The following MKLN1 variants were observed in gnomAD, a reference collection of about 807,000 sequenced individuals.
MKLN1 encodes muskelin.
In MKLN1, 18 loss-of-function variants were observed where a neutral mutation model predicts 99.0. The ratio of observed to expected loss-of-function variants is 0.18; its 90% CI spans 0.13 to 0.27. The LOEUF (loss-of-function observed/expected upper bound fraction) is 0.27. Among genes scored for constraint, MKLN1 ranks in the 10% least tolerant of loss-of-function variants. MKLN1 has a pLI of 1.00. For synonymous variants in MKLN1, 288 were observed against 293.2 expected (o/e 0.98, Z 0.18); for missense variants, 621 against 875.9 (o/e 0.71, Z 3.67).
intron 2 of MKLN1, among the ~76,000 whole-genome samples, chr7:131,177,600 GTCT>G (rs1584811202): frequency 6.6e-6 from 1 of 151,538 alleles, no homozygotes; most frequent in East Asian, 1.9e-4. Flanking sequence ...CATTATAGTT[GTCT>G]ATATTCTTGC....
At chr7:131,324,558 G>T (rs1798846941), upstream of MKLN1, 1 of 152,174 alleles carries the variant, frequency 6.6e-6, no homozygotes, top group South Asian at 2.1e-4. Context: ...GTTACAAGTG[G>T]ATTTTTAAAG....
intron 12 of MKLN1, among the ~76,000 whole-genome samples, chr7:131,459,688 C>T (rs1419640176): frequency 6.6e-6 from 1 of 151,950 alleles, no homozygotes; most frequent in Non-Finnish European, 1.5e-5. Flanking sequence ...CGAGTTTTAA[C>T]ATTTCATATT....
At chr7:131,480,890 A>T (rs954676518) in intron 17 of MKLN1, among the ~76,000 whole-genome samples, 2 of 152,216 alleles carry the variant, frequency 1.3e-5, no homozygotes, top group Non-Finnish European at 2.9e-5. Flanking sequence ...ACTTATTTTT[A>T]GCCTTTAGAA....
At chr7:131,331,739 A>G (rs1298861694) in intron 1 of MKLN1, among the ~76,000 whole-genome samples, 1 of 152,218 alleles carries the variant, frequency 6.6e-6, no homozygotes, top group African/African-American at 2.4e-5. Context: ...TGTCTAATTG[A>G]GATTACAGAT....
At chr7:131,302,832 C>G (rs776894990) in intron 3 of MKLN1, among the ~76,000 whole-genome samples, 1 of 152,166 alleles carries the variant, frequency 6.6e-6, no homozygotes, top group African/African-American at 2.4e-5. Flanking sequence ...GCAGGTGCTT[C>G]AAGATGACCT....
At chr7:131,245,249 C>T (rs1289189857) in intron 3 of MKLN1, among the ~76,000 whole-genome samples, 1 of 151,122 alleles carries the variant, frequency 6.6e-6, no homozygotes, top group African/African-American at 2.4e-5. Context: ...ATGGTGATCC[C>T]ATAAGATTAT....
intron 3 of MKLN1, among the ~76,000 whole-genome samples, chr7:131,302,432 A>G (rs1044062676): frequency 2.0e-5 from 3 of 152,144 alleles, no homozygotes; most frequent in African/African-American, 4.8e-5. Context: ...TTGACTTAAC[A>G]TTTCTACCTG....
chr7:131,327,612 T>C (rs1457543488), upstream of MKLN1: 3 of 389,478 alleles, frequency 7.7e-6, no homozygotes, highest in Non-Finnish European at 1.4e-5. Flanking sequence ...GGCTTTTCCT[T>C]ACCTCTGCTT....
chr7:131,289,648 T>G (rs962563142), intron 3 of MKLN1, among the ~76,000 whole-genome samples: 1 of 152,216 alleles, frequency 6.6e-6, no homozygotes, highest in African/African-American at 2.4e-5. Flanking sequence ...ATCACTTGAT[T>G]GCTGTGTCAT....
intron 1 of MKLN1, among the ~76,000 whole-genome samples, chr7:131,356,883 A>G (rs1799900929): frequency 1.3e-5 from 2 of 152,122 alleles, no homozygotes; most frequent in Admixed American, 1.3e-4. Flanking sequence ...TGAGGGGCAT[A>G]AGGCAGAAGG....
intron 6 of MKLN1, 96 bp downstream of exon 6, chr7:131,399,529 T>G (rs1017645402): frequency 3.7e-5 from 39 of 1,063,132 alleles, no homozygotes; most frequent in Middle Eastern, 4.3e-4. Context: ...ATTACTGTAA[T>G]TTTTTTTCTT....
At chr7:131,293,781 G>C (rs1482659742) in intron 3 of MKLN1, among the ~76,000 whole-genome samples, 1 of 152,152 alleles carries the variant, frequency 6.6e-6, no homozygotes, top group Non-Finnish European at 1.5e-5. Flanking sequence ...TCTCTAGCCT[G>C]GGCAATAGAG....
intron 1 of MKLN1, among the ~76,000 whole-genome samples, chr7:131,369,033 T>C (rs1459437867): frequency 6.6e-6 from 1 of 152,036 alleles, no homozygotes; most frequent in African/African-American, 2.4e-5. Flanking sequence ...CATATCTGTA[T>C]ATAACAGGTT....
At chr7:131,464,210 T>C in intron 13 of MKLN1, 84 bp from the exon 14 acceptor site, 1 of 692,424 alleles carries the variant, frequency 1.4e-6, no homozygotes, top group Non-Finnish European at 2.4e-6. Flanking sequence ...TGTTAGTAAT[T>C]AGACATGCAG....
chr7:131,212,900 G>T (rs1796926868), intron 3 of MKLN1, among the ~76,000 whole-genome samples: 1 of 148,672 alleles, frequency 6.7e-6, no homozygotes, highest in Non-Finnish European at 1.5e-5. Flanking sequence ...TCCAGCCTGG[G>T]CAACAAGAGC....
At chr7:131,193,228 GT>G (rs1308879764) in intron 2 of MKLN1, among the ~76,000 whole-genome samples, 1 of 152,102 alleles carries the variant, frequency 6.6e-6, no homozygotes, top group Non-Finnish European at 1.5e-5. Flanking sequence ...GATTACTTAT[GT>G]AAGGCGATCA....
intron 1 of MKLN1, among the ~76,000 whole-genome samples, chr7:131,353,296 C>T (rs1227364918): frequency 6.6e-6 from 1 of 152,042 alleles, no homozygotes; most frequent in Non-Finnish European, 1.5e-5. Context: ...TATCTTTTAG[C>T]TATTATGATA....
At chr7:131,399,643 G>A (rs983296816) in intron 6 of MKLN1, among the ~76,000 whole-genome samples, 2 of 152,062 alleles carry the variant, frequency 1.3e-5, no homozygotes, top group Non-Finnish European at 1.5e-5. Flanking sequence ...AAATGTACTT[G>A]AACTCACATA....
chr7:131,247,167 A>G (rs1797501446), intron 3 of MKLN1, among the ~76,000 whole-genome samples: 1 of 151,902 alleles, frequency 6.6e-6, no homozygotes, highest in South Asian at 2.1e-4. Flanking sequence ...TTGTGTTAAG[A>G]TACATGAAGC....
Sources: allele counts gnomAD v4.1 joint callset (sites outside exome capture counted in the v4.1 genomes callset), GRCh38; gene constraint gnomAD v4.1.1; transcripts MANE v1.5; gene names NCBI Gene and HGNC (gene_info 2026-07-23, HGNC 2026-07-21).